Variants in CSMD1 observed in about 807,000 individuals in gnomAD.
CSMD1 encodes the protein CUB and sushi domain-containing protein 1.
In CSMD1, 213 loss-of-function variants were observed where a neutral mutation model predicts 417.5. The ratio of observed to expected loss-of-function variants is 0.51; its 90% CI spans 0.46 to 0.57. The LOEUF is 0.57. CSMD1 is among the 20% of genes least tolerant of loss of function. The pLI is 0.00. For synonymous variants in CSMD1, 2,862 were observed against 1,736.8 expected (o/e 1.65, Z -16.11); for missense variants, 6,923 against 4,529.7 (o/e 1.53, Z -15.17).
chr8:4,029,723 TCTTAA>T (rs1326501569), intron 4 of CSMD1, among the ~76,000 whole-genome samples: 1 of 151,974 alleles, frequency 6.6e-6, no homozygotes, highest in Non-Finnish European at 1.5e-5. Context: ...TCCCCCAAAG[TCTTAA>T]CTTATTTCAG....
intron 1 of CSMD1, among the ~76,000 whole-genome samples, chr8:4,922,078 G>C (rs1192870719): frequency 6.6e-6 from 1 of 152,142 alleles, no homozygotes; most frequent in Admixed American, 6.5e-5. Flanking sequence ...CAGAGCACCT[G>C]AGCTTTTGTA....
At chr8:4,068,110 A>G (rs1020603643) in intron 3 of CSMD1, among the ~76,000 whole-genome samples, 4 of 152,174 alleles carry the variant, frequency 2.6e-5, no homozygotes, top group African/African-American at 9.7e-5. Flanking sequence ...AAGGGACACA[A>G]CAGTGAGTGT....
intron 1 of CSMD1, among the ~76,000 whole-genome samples, chr8:4,804,256 A>G (rs548722552): frequency 2.6e-5 from 4 of 152,230 alleles, no homozygotes; most frequent in African/African-American, 2.4e-5. Flanking sequence ...CTCCAGGAAA[A>G]TAAGCCTCTA....
intron 5 of CSMD1, among the ~76,000 whole-genome samples, chr8:3,895,673 T>C (rs1477858637): frequency 6.6e-6 from 1 of 152,226 alleles, no homozygotes; most frequent in African/African-American, 2.4e-5. Flanking sequence ...ACACACATAT[T>C]TATAATCCAA....
At chr8:3,748,744 C>G (rs1220058168) in intron 6 of CSMD1, among the ~76,000 whole-genome samples, 1 of 152,140 alleles carries the variant, frequency 6.6e-6, no homozygotes, top group Non-Finnish European at 1.5e-5. Context: ...ACTCAAAATG[C>G]CTTTCTAATA....
intron 1 of CSMD1, among the ~76,000 whole-genome samples, chr8:4,740,029 G>C (rs1439592744): frequency 6.6e-6 from 1 of 152,004 alleles, no homozygotes. Flanking sequence ...CAGCATCCTG[G>C]CAGAGGAATG....
intron 3 of CSMD1, among the ~76,000 whole-genome samples, chr8:4,354,044 T>A (rs377318994): frequency 6.6e-6 from 1 of 152,352 alleles, no homozygotes. Context: ...CATACCAGTG[T>A]CTATGCAGCT....
At chr8:3,835,788 T>C (rs573134643) in intron 5 of CSMD1, among the ~76,000 whole-genome samples, 3 of 152,144 alleles carry the variant, frequency 2.0e-5, no homozygotes, top group South Asian at 2.1e-4. Context: ...CTCTGGGTGA[T>C]TGTGTGAGTT....
intron 46 of CSMD1, among the ~76,000 whole-genome samples, chr8:3,097,282 C>G (rs1487141395): frequency 2.0e-5 from 3 of 152,126 alleles, no homozygotes; most frequent in Non-Finnish European, 4.4e-5. Flanking sequence ...CCTGCATCTC[C>G]CACACACCTT....
chr8:4,643,878 A>G (rs1046494438), intron 1 of CSMD1, among the ~76,000 whole-genome samples: 2 of 152,200 alleles, frequency 1.3e-5, no homozygotes, highest in Admixed American at 6.5e-5. Flanking sequence ...GGCATTTTGC[A>G]GGAACACCAT....
intron 18 of CSMD1, chr8:3,375,291 G>A (rs531217769): frequency 6.6e-6 from 1 of 152,098 alleles, no homozygotes; most frequent in Non-Finnish European, 1.5e-5. Flanking sequence ...TGTGTTTCAG[G>A]TTATTTTTGT....
intron 4 of CSMD1, among the ~76,000 whole-genome samples, chr8:4,029,955 C>T (rs545977224): frequency 6.6e-6 from 1 of 152,308 alleles, no homozygotes; most frequent in South Asian, 2.1e-4. Context: ...GCAGTCAAAT[C>T]TTAAAGCTCC....
intron 17 of CSMD1, among the ~76,000 whole-genome samples, chr8:3,395,153 C>T (rs543652578): frequency 6.6e-6 from 1 of 152,196 alleles, no homozygotes; most frequent in Admixed American, 6.6e-5. Flanking sequence ...AGACATGATT[C>T]TATGCATGCA....
intron 25 of CSMD1, among the ~76,000 whole-genome samples, chr8:3,294,319 G>A (rs949992441): frequency 1.3e-5 from 2 of 152,156 alleles, no homozygotes; most frequent in African/African-American, 4.8e-5. Flanking sequence ...CTCAAGCTGT[G>A]TGCTGGGAGA....
chr8:3,380,578 T>A (rs559798420), intron 18 of CSMD1, among the ~76,000 whole-genome samples: 6 of 152,220 alleles, frequency 3.9e-5, no homozygotes, highest in Non-Finnish European at 8.8e-5. Context: ...GATGAGTTCA[T>A]GTCCTTTGCA....
chr8:3,369,504 G>T (rs1462314008), intron 18 of CSMD1, 134 bp from the exon 19 acceptor site: 18 of 595,536 alleles, frequency 3.0e-5, no homozygotes, highest in Non-Finnish European at 5.4e-5. Flanking sequence ...AAACCAAGCA[G>T]AACCTGAGCT....
chr8:4,229,563 C>T (rs1010278593), intron 3 of CSMD1, among the ~76,000 whole-genome samples: 7 of 152,194 alleles, frequency 4.6e-5, no homozygotes, highest in African/African-American at 2.4e-5. Context: ...ATTCCCCATC[C>T]TCAGCACCTT....
At chr8:3,706,051 G>C (rs1262836420) in intron 7 of CSMD1, among the ~76,000 whole-genome samples, 5 of 152,238 alleles carry the variant, frequency 3.3e-5, no homozygotes, top group Admixed American at 6.5e-5. Context: ...TGGTGGGAAC[G>C]CCTAAGGCAC....
At chr8:4,687,521 A>C (rs1806469882) in intron 1 of CSMD1, among the ~76,000 whole-genome samples, 1 of 152,218 alleles carries the variant, frequency 6.6e-6, no homozygotes. Context: ...ATCTCTGGGA[A>C]GGTTTCTTGG....
Sources: allele counts gnomAD v4.1 joint callset (sites outside exome capture counted in the v4.1 genomes callset), GRCh38; gene constraint gnomAD v4.1.1; transcripts MANE v1.5; gene names NCBI Gene and HGNC (gene_info 2026-07-23, HGNC 2026-07-21).